SLC25A22: variants seen among roughly 807,000 people sequenced by gnomAD.
The protein encoded by SLC25A22 is mitochondrial glutamate carrier 1.
Under a neutral mutation model 33.7 loss-of-function variants are expected in SLC25A22, and 23 were observed. The ratio of observed to expected loss-of-function variants is 0.68; its 90% confidence interval spans 0.49 to 0.97. SLC25A22 has a LOEUF of 0.97. Ranked by LOEUF, SLC25A22 falls within the 50% of genes least tolerant of loss-of-function variation. SLC25A22 has a pLI of 0.00. For missense variants in SLC25A22, 390 were observed against 451.1 expected, an observed-to-expected ratio of 0.86 and a Z score of 1.23; for synonymous variants, 245 against 203.8, an observed-to-expected ratio of 1.20 and a Z score of -1.72.
At chr11:798,138 GCCGCAGCACCTCTCGCCC>G in intron 1 of SLC25A22, 61 bp downstream of exon 1, 1 of 383,332 alleles carries the variant, frequency 2.6e-6, no homozygotes, top group Non-Finnish European at 4.6e-6. Flanking sequence ...TCCCTCGGCC[GCCGCAGCACCTCTCGCCC>G]CCGCAGCCCG....
chr11:794,225 C>G (rs561914484), intron 4 of SLC25A22: 1 of 703,684 alleles, frequency 1.4e-6, no homozygotes, highest in African/African-American at 1.7e-5. Flanking sequence ...ACCATGGCAT[C>G]CCACGCACCA....
chr11:794,260 G>A (rs564257895), intron 4 of SLC25A22, 198 bp downstream of exon 4: 15 of 733,582 alleles, frequency 2.0e-5, no homozygotes, highest in Admixed American at 8.0e-5. Context: ...GTGGGGAGCT[G>A]CCACGGGAGA....
intron 4 of SLC25A22, chr11:794,122 GCC>G: frequency 1.6e-6 from 1 of 608,380 alleles, no homozygotes; most frequent in East Asian, 3.1e-5. Context: ...TTGCGGTAAT[GCC>G]CCTTACTCCC....
intron 1 of SLC25A22, chr11:797,470 C>G (rs1354149903): frequency 5.0e-6 from 2 of 397,094 alleles, no homozygotes; most frequent in African/African-American, 2.1e-5. Flanking sequence ...CACTGTCCCC[C>G]CTTCATAGTC....
At position 792,445 on chromosome 11, in the gene SLC25A22, AG is replaced by A; in HGVS notation, c.600del (p.Ser201LeufsTer11). On this transcript the variant is annotated frameshift_variant, in exon 8 of 10. Coordinates refer to ENST00000628067, the MANE Select transcript of SLC25A22 (RefSeq NM_001191061.2). LOFTEE classifies it high-confidence loss of function. ...GCAAAGAGCGGGAAGTACACCACAG[AG>A]AAGGGGACATCCCTGTGGGGAGGGA... ...LGATLLRDVP[F>X]SVVYFPLFAN... 6.2e-7 allele frequency: 1 copy of A among 1,613,278 alleles called. No homozygotes were observed. Among genetic ancestry groups the A allele is most frequent in the Non-Finnish European group, 8.5e-7 (1 of 1,179,906 alleles).
chr11:796,149 C>G (rs2133722840), intron 1 of SLC25A22: 1 of 153,386 alleles, frequency 6.5e-6, no homozygotes, highest in East Asian at 1.9e-4. Flanking sequence ...CACCACCGAC[C>G]CCCGCTCCGC....
At chr11:794,037 C>T (rs1020042765) in intron 4 of SLC25A22, 31 of 477,582 alleles carry the variant, frequency 6.5e-5, no homozygotes, top group Admixed American at 2.8e-4. Flanking sequence ...GTGGAGAGCC[C>T]CCATCTCAGT....
In SLC25A22 at chr11:791,785, C is replaced by G. The variant is rs1864530952; in HGVS notation, c.*130G>C. On this transcript the variant is annotated 3_prime_UTR_variant, in exon 10 of 10. Coordinates refer to ENST00000628067, the MANE Select transcript of SLC25A22 (RefSeq NM_001191061.2). ...GCACCACCTATGTGGACCCTGCACC[C>G]TGCCCCCTGCTGCCCCTGCCGACGG... 7.7e-7 allele frequency: 1 copy of G among 1,306,476 alleles called. No homozygotes were observed. The highest frequency in any genetic ancestry group is 1.5e-5 in the African/African-American group (1 of 67,856). The allele number at this position is 1,306,476 out of a possible 1,614,324, so 80.9% of individuals were successfully genotyped here. A position where few individuals can be genotyped will look rare whatever the true frequency, so the allele number is the denominator to read the frequency against.
At position 792,590 on chromosome 11, in the gene SLC25A22, C is replaced by G. The variant is rs370941893; in HGVS notation, c.550G>C (p.Ala184Pro). ...GCCCCGAGTCCCTTGTAGAGACCGG[C>G]AATGCCACGGCTCCGCAGCAGGTCG... is the stretch of plus-strand genomic sequence containing the variant. ...TRDLLRSRGI[A>P]GLYKGLGATL... The change falls in exon 7 of 10, where the codon GCC becomes CCC. Residue 184 changes from alanine (A) to proline (P), a missense_variant. Ala to Pro is a conservative substitution (Grantham distance 27, BLOSUM62 -1). Coordinates refer to ENST00000628067, the MANE Select transcript of SLC25A22 (RefSeq NM_001191061.2). 1.2e-6 allele frequency: 2 copies of G among 1,611,582 alleles called. No individual in the cohort carries two copies. The highest frequency in any genetic ancestry group is 4.5e-5 in the East Asian group (2 of 44,836).
In SLC25A22 at chr11:792,127, G is replaced by A. The variant is rs201177114; in HGVS notation, c.818+15C>T. 1.6e-5 allele frequency: 25 copies of A among 1,611,302 alleles called. No individual in the cohort carries two copies. Among genetic ancestry groups the A allele is most frequent in the East Asian group, 1.1e-4 (5 of 44,800 alleles). On this transcript the variant is annotated intron_variant, in intron 9 of 9. Transcript: ENST00000628067. ...CGCAGGCCCCCAGGCCCCACCCGCC[G>A]TGGGACCTCCCCACCTGGCACAGTC...
intron 4 of SLC25A22, 56 bp from the exon 5 acceptor site, chr11:793,675 G>A (rs1590120561): frequency 3.9e-6 from 5 of 1,272,990 alleles, no homozygotes; most frequent in African/African-American, 1.5e-5. Context: ...GTGGGGAGGC[G>A]CTTGGCCAGG....
intron 1 of SLC25A22, 52 bp downstream of exon 1, chr11:798,165 C>T: frequency 5.0e-6 from 2 of 397,842 alleles, no homozygotes; most frequent in East Asian, 3.6e-5. Context: ...CCCCGCAGCC[C>T]GGCCGCGTTC....
Position 792,574 on chromosome 11 carries a change from C to A in SLC25A22, c.566G>T (p.Gly189Val). ...CTACCTGAGCAGCGTGGCCCCGAGT[C>A]CCTTGTAGAGACCGGCAATGCCACG... Reference protein sequence around the residue: ...RSRGIAGLYKGLGATLLRDVP... With the variant: ...RSRGIAGLYKVLGATLLRDVP... The change falls in exon 7 of 10, where the codon GGA becomes GTA. Residue 189 changes from glycine (G) to valine (V), a missense_variant. Coordinates refer to ENST00000628067, the MANE Select transcript of SLC25A22 (RefSeq NM_001191061.2). 1 of 1,612,202 alleles carries A rather than the reference C, an allele frequency of 6.2e-7. No homozygotes were observed. Among genetic ancestry groups the A allele is most frequent in the Non-Finnish European group, 8.5e-7 (1 of 1,179,758 alleles).
intron 1 of SLC25A22, among the ~76,000 whole-genome samples, chr11:797,343 C>T (rs992192390): frequency 3.3e-5 from 5 of 152,164 alleles, no homozygotes; most frequent in Non-Finnish European, 5.9e-5. Flanking sequence ...CCTTTCTCTG[C>T]CCTCACTCGG....
At position 794,774 on chromosome 11, in the gene SLC25A22, A is replaced by G; in HGVS notation, c.146+2T>C. 6.3e-7 allele frequency: 1 copy of G among 1,599,476 alleles called. No homozygotes were observed. Among genetic ancestry groups the G allele is most frequent in the Non-Finnish European group, 8.5e-7 (1 of 1,174,764 alleles). ...CTCCCCGCGACCGCCCGGCACACTC[A>G]CATGCTCGTGTACACGCGCTGGCCG... On this transcript the variant is annotated splice_donor_variant, in intron 3 of 9. Transcript: ENST00000628067. LOFTEE classifies it high-confidence loss of function.
chr11:794,612 A>G, intron 3 of SLC25A22, 99 bp from the exon 4 acceptor site: 1 of 1,540,840 alleles, frequency 6.5e-7, no homozygotes, highest in Non-Finnish European at 8.8e-7. Context: ...CCAAGTCCTC[A>G]GCCCAGCCCC....
rs1197642424 is a variant in SLC25A22 at position 791,975 on chromosome 11, C to T, written c.912G>A (p.Val304=). ...VIAPLFGIAQ[V]VYFLGIAESL... ...ACTCCGCGATGCCCAGGAAGTAGAC[C>T]ACCTGTGCGATGCCGAAAAGGGGCG... Residue 304 remains valine (V), a synonymous_variant, in exon 10 of 10, where the codon GTG becomes GTA. Transcript: ENST00000628067. The T allele has an allele frequency of 6.2e-7, 1 of 1,608,934 alleles. No individual in the cohort carries two copies. The highest frequency in any genetic ancestry group is 8.5e-7 in the Non-Finnish European group (1 of 1,179,564).
chr11:791,960 G>A lies in SLC25A22; in HGVS notation c.927C>T (p.Gly309=), dbSNP rs139020729. ...FGIAQVVYFL[G]IAESLLGLLQ... ...GCAGCCCCAGCAGGGACTCCGCGAT[G>A]CCCAGGAAGTAGACCACCTGTGCGA... is the stretch of plus-strand genomic sequence containing the variant. The change falls in exon 10 of 10, where the codon GGC becomes GGT. Residue 309 remains glycine (G), a synonymous_variant. Coordinates refer to ENST00000628067, the MANE Select transcript of SLC25A22 (RefSeq NM_001191061.2). 21 of 1,606,988 alleles carry A rather than the reference G, an allele frequency of 1.3e-5. No individual in the cohort carries two copies. In the African/African-American group the frequency reaches 2.7e-4, roughly 20 times the overall value.
At position 794,874 on chromosome 11, in the gene SLC25A22, G is replaced by A; in HGVS notation, c.48C>T (p.Gly16=). ...ISLPAKLING[G]IAGLIGVTCV... ...AGGTGACACCGATCAGCCCGGCGAT[G>A]CCGCCATTGATGAGCTTGGCTGGCA... The change falls in exon 3 of 10, where the codon GGC becomes GGT. Residue 16 remains glycine (G), a synonymous_variant. Transcript: ENST00000628067. 1.9e-6 allele frequency: 3 copies of A among 1,568,180 alleles called. No homozygotes were observed. The highest frequency in any genetic ancestry group is 1.7e-6 in the Non-Finnish European group (2 of 1,156,522).
Sources: gnomAD v4.1 joint callset for allele counts (sites outside exome capture counted in the v4.1 genomes callset) on GRCh38, gnomAD v4.1.1 for gene constraint, MANE v1.5 for transcripts, NCBI Gene and HGNC (gene_info 2026-07-23, HGNC 2026-07-21) for gene names.